Variants in PCLO observed in about 807,000 individuals in gnomAD.
PCLO encodes the protein protein piccolo.
In PCLO, 82 loss-of-function variants were observed where a neutral mutation model predicts 427.5. That is an observed-to-expected ratio of 0.19 (90% confidence interval 0.16 to 0.23). The LOEUF (loss-of-function observed/expected upper bound fraction) is 0.23, where lower values mean the gene tolerates loss of function less well. PCLO is among the 10% of genes least tolerant of loss of function. PCLO has a pLI of 1.00. For missense variants in PCLO, 6,239 were observed against 6,115.9 expected (o/e 1.02, Z -0.67); for synonymous variants, 2,357 against 2,155.4 (o/e 1.09, Z -2.59).
At chr7:82,883,199 G>T (rs1021413845) in intron 9 of PCLO, among the ~76,000 whole-genome samples, 29 of 151,844 alleles carry the variant, frequency 1.9e-4, no homozygotes, top group African/African-American at 6.8e-4. Context: ...TTGGGCTAAA[G>T]AAGAAAACAG....
chr7:82,991,776 C>T (rs10258697), intron 3 of PCLO, among the ~76,000 whole-genome samples: 1 of 152,100 alleles, frequency 6.6e-6, no homozygotes, highest in South Asian at 2.1e-4. Context: ...ACTAGCCTCC[C>T]TTCCCAGGGG....
chr7:82,760,892 C>T lies in PCLO; in HGVS notation c.15143-108G>A, dbSNP rs80229639. 4,230 of 443,830 alleles carry T rather than the reference C, an allele frequency of 9.5e-3. 161 individuals are homozygous for T. The highest frequency in any genetic ancestry group is 0.081 in the African/African-American group (3,830 of 47,246). 27.5% of individuals were successfully genotyped at this position (443,830 alleles called of 1,614,324 possible). The stretch of plus-strand genomic sequence containing the variant: ...CTTGTTACATTTTGCACAAAGCCAG[C>T]AGATTGTAAACGATTTGTTTCAGAT... On this transcript the variant is annotated intron_variant, in intron 23 of 24. Transcript: ENST00000333891.
Position 82,880,372 on chromosome 7 carries a change from T to C in PCLO, c.13529-910A>G, listed in dbSNP as rs550718394. The C allele has an allele frequency of 5.0e-4, 199 of 398,620 alleles. 3 individuals are homozygous for C. Among genetic ancestry groups the C allele is most frequent in the South Asian group, 3.7e-3 (198 of 53,624 alleles). The allele number at this position is 398,620 out of a possible 1,614,324, so 24.7% of individuals were successfully genotyped here. On this transcript the variant is annotated intron_variant, in intron 9 of 24. Coordinates refer to ENST00000333891, the MANE Select transcript of PCLO (RefSeq NM_033026.6). ...TTGAAAGGCAAGAAACAAACACATA[T>C]TAATCATGACAAATAATGAAATATT... is the stretch of plus-strand genomic sequence containing the variant.
chr7:83,162,241 G>A, intron 1 of PCLO, 104 bp downstream of exon 1: 1 of 1,335,300 alleles, frequency 7.5e-7, no homozygotes, highest in South Asian at 1.5e-5. Context: ...AAAATGAACG[G>A]AGGCGACATA....
At chr7:82,929,443 A>G (rs978870960) in intron 6 of PCLO, among the ~76,000 whole-genome samples, 2 of 152,152 alleles carry the variant, frequency 1.3e-5, no homozygotes, top group Admixed American at 1.3e-4. Context: ...AAGTTTAAGT[A>G]CAATGTGATT....
At position 82,953,858 on chromosome 7, in the gene PCLO, C is replaced by T; in HGVS notation, c.7095G>A (p.Glu2365=). 1 of 1,613,644 alleles carries T rather than the reference C, an allele frequency of 6.2e-7. No homozygotes were observed. The highest frequency in any genetic ancestry group is 8.5e-7 in the Non-Finnish European group (1 of 1,179,728). ...ATGCAGGTTTTTCCTGACCAAAGGTCTCTCCAGATGTAAAGTATGTAGTTG... is the reference window on the plus strand; with the variant it reads ...ATGCAGGTTTTTCCTGACCAAAGGTTTCTCCAGATGTAAAGTATGTAGTTG... ...QLSTTYFTSG[E]TFGQEKPASQ... Residue 2365 remains glutamate, a synonymous_variant, in exon 5 of 25, where the codon GAG becomes GAA. Transcript: ENST00000333891.
intron 15 of PCLO, 29 bp from the exon 16 acceptor site, chr7:82,835,722 G>A (rs780859704): frequency 6.3e-7 from 1 of 1,590,818 alleles, no homozygotes; most frequent in Non-Finnish European, 8.6e-7. Flanking sequence ...CGAGAGTGAA[G>A]GGGTAAAACA....
intron 3 of PCLO, among the ~76,000 whole-genome samples, chr7:82,990,013 G>A (rs576604316): frequency 6.6e-6 from 1 of 152,220 alleles, no homozygotes; most frequent in East Asian, 1.9e-4. Flanking sequence ...CTAGGATCAA[G>A]TAATGAGAGA....
chr7:82,887,239 G>C (rs961783764), intron 9 of PCLO, among the ~76,000 whole-genome samples: 2 of 152,178 alleles, frequency 1.3e-5, no homozygotes, highest in Admixed American at 6.6e-5. Context: ...ATACAAAAAA[G>C]CTGAGAACTC....
chr7:82,968,178 TGTG>T (rs1795821568), intron 3 of PCLO, among the ~76,000 whole-genome samples: 1 of 152,198 alleles, frequency 6.6e-6, no homozygotes, highest in Non-Finnish European at 1.5e-5. Context: ...ATTCTGTAAA[TGTG>T]GTAAAATGCT....
chr7:83,084,015 G>A (rs1205265662), intron 3 of PCLO, among the ~76,000 whole-genome samples: 7 of 152,172 alleles, frequency 4.6e-5, no homozygotes, highest in Admixed American at 2.6e-4. Flanking sequence ...GCCCTGTTCA[G>A]AGGAAAGATG....
intron 3 of PCLO, among the ~76,000 whole-genome samples, chr7:82,973,187 T>C (rs1795943659): frequency 6.6e-6 from 1 of 152,130 alleles, no homozygotes; most frequent in Non-Finnish European, 1.5e-5. Context: ...TTTATAAGTA[T>C]GCATAATGAT....
intron 3 of PCLO, among the ~76,000 whole-genome samples, chr7:83,048,968 T>TA (rs1413329035): frequency 6.6e-6 from 1 of 152,164 alleles, no homozygotes; most frequent in African/African-American, 2.4e-5. Context: ...TTAAGTAACC[T>TA]ACACATAGAA....
chr7:82,852,531 G>A (rs1362254423), intron 10 of PCLO, among the ~76,000 whole-genome samples: 2 of 152,068 alleles, frequency 1.3e-5, no homozygotes, highest in Non-Finnish European at 2.9e-5. Flanking sequence ...TTGGACTCTT[G>A]GATGTACACC....
intron 3 of PCLO, among the ~76,000 whole-genome samples, chr7:83,057,904 C>T (rs143946192): frequency 1.2e-3 from 182 of 152,126 alleles, no homozygotes; most frequent in African/African-American, 4.1e-3. Context: ...TAATTTGGTT[C>T]CTAATAACAA....
intron 3 of PCLO, among the ~76,000 whole-genome samples, chr7:83,093,242 ATGT>A (rs1291918403): frequency 6.6e-6 from 1 of 151,468 alleles, no homozygotes; most frequent in Non-Finnish European, 1.5e-5. Context: ...AAATCAATAA[ATGT>A]TGTCTTAATG....
intron 2 of PCLO, among the ~76,000 whole-genome samples, chr7:83,144,140 C>T (rs906279410): frequency 3.9e-5 from 6 of 152,176 alleles, no homozygotes; most frequent in Non-Finnish European, 7.4e-5. Context: ...TAGATGAAAT[C>T]GCCAGGTGCA....
At chr7:82,913,948 G>T (rs1340394456) in intron 7 of PCLO, among the ~76,000 whole-genome samples, 1 of 151,956 alleles carries the variant, frequency 6.6e-6, no homozygotes, top group African/African-American at 2.4e-5. Context: ...ACTAAAATCA[G>T]AAAAGAAGTT....
chr7:83,074,381 G>A (rs950752234), intron 3 of PCLO, among the ~76,000 whole-genome samples: 12 of 151,952 alleles, frequency 7.9e-5, no homozygotes, highest in African/African-American at 2.4e-4. Flanking sequence ...AAGGAATTTC[G>A]TTGACCTGTC....
Sources: allele counts gnomAD v4.1 joint callset (sites outside exome capture counted in the v4.1 genomes callset), GRCh38; gene constraint gnomAD v4.1.1; transcripts MANE v1.5; gene names NCBI Gene and HGNC (gene_info 2026-07-23, HGNC 2026-07-21).